MACROD2: variants seen among roughly 807,000 people sequenced by gnomAD.
MACROD2 encodes the protein ADP-ribose glycohydrolase MACROD2.
A neutral mutation model predicts 70.4 loss-of-function variants in MACROD2; 36 were observed. The observed-to-expected ratio is 0.51, with a 90% CI of 0.39 to 0.68. The LOEUF (loss-of-function observed/expected upper bound fraction) is 0.68, where lower values mean the gene tolerates loss of function less well. MACROD2 is among the 30% of genes least tolerant of loss of function. The pLI is 0.00. For missense variants in MACROD2, 496 were observed against 538.4 expected, an observed-to-expected ratio of 0.92 and a Z score of 0.78; for synonymous variants, 172 against 178.8, an observed-to-expected ratio of 0.96 and a Z score of 0.30.
intron 5 of MACROD2, among the ~76,000 whole-genome samples, chr20:14,691,825 T>C (rs955764690): frequency 1.3e-5 from 2 of 152,144 alleles, no homozygotes; most frequent in African/African-American, 2.4e-5. Context: ...AAATGACTTA[T>C]ATTACACAAA....
intron 5 of MACROD2, among the ~76,000 whole-genome samples, chr20:15,030,682 T>TAGAC (rs1442827009): frequency 2.0e-5 from 3 of 152,136 alleles, no homozygotes; most frequent in Admixed American, 1.3e-4. Flanking sequence ...GATAGATAGA[T>TAGAC]AGATAGTCTA....
chr20:14,177,046 T>C (rs1327109308), intron 3 of MACROD2, among the ~76,000 whole-genome samples: 1 of 152,154 alleles, frequency 6.6e-6, no homozygotes, highest in East Asian at 1.9e-4. Context: ...AAATAGAGAC[T>C]TCCCCTCTTT....
chr20:14,507,017 A>T (rs557426284), intron 4 of MACROD2, among the ~76,000 whole-genome samples: 14 of 152,306 alleles, frequency 9.2e-5, no homozygotes, highest in African/African-American at 3.4e-4. Context: ...AAACACTTTT[A>T]AAAAATGGGA....
At chr20:14,255,549 G>T (rs139299201) in intron 3 of MACROD2, among the ~76,000 whole-genome samples, 1,821 of 151,830 alleles carry the variant, frequency 0.012, 30 homozygotes, top group African/African-American at 0.042. Flanking sequence ...GTGGGGGCAG[G>T]GGGGAGGGAT....
intron 3 of MACROD2, among the ~76,000 whole-genome samples, chr20:14,283,976 A>T (rs1374886480): frequency 6.6e-6 from 1 of 152,186 alleles, no homozygotes; most frequent in Non-Finnish European, 1.5e-5. Flanking sequence ...GCATTTATGT[A>T]ATTTGGGAAT....
At chr20:15,490,423 A>G (rs893091356) in intron 7 of MACROD2, among the ~76,000 whole-genome samples, 1 of 151,688 alleles carries the variant, frequency 6.6e-6, no homozygotes, top group South Asian at 2.1e-4. Context: ...TGCCTGGGTG[A>G]TTTTTATTTT....
At chr20:14,398,890 A>AT (rs1910348410) in intron 3 of MACROD2, among the ~76,000 whole-genome samples, 1 of 151,524 alleles carries the variant, frequency 6.6e-6, no homozygotes, top group Admixed American at 6.6e-5. Context: ...TTCCTTTTAT[A>AT]TTCCTTTTTT....
intron 3 of MACROD2, among the ~76,000 whole-genome samples, chr20:14,141,362 C>T (rs1037654307): frequency 5.3e-5 from 8 of 152,264 alleles, no homozygotes; most frequent in African/African-American, 1.7e-4. Context: ...TGAATCTTAG[C>T]TCTGCCACTT....
intron 4 of MACROD2, among the ~76,000 whole-genome samples, chr20:14,604,941 A>G (rs1432787818): frequency 6.6e-6 from 1 of 152,218 alleles, no homozygotes; most frequent in Non-Finnish European, 1.5e-5. Context: ...ATAAATTCCC[A>G]TTGGGCATTC....
At chr20:14,319,488 C>G (rs1440775179) in intron 3 of MACROD2, among the ~76,000 whole-genome samples, 1 of 152,138 alleles carries the variant, frequency 6.6e-6, no homozygotes. Context: ...CTCCCCATGA[C>G]CCAACAAGAC....
chr20:14,402,339 G>C (rs901100986), intron 3 of MACROD2, among the ~76,000 whole-genome samples: 1 of 152,116 alleles, frequency 6.6e-6, no homozygotes, highest in African/African-American at 2.4e-5. Context: ...CAAGAGAATT[G>C]TATTTATCCC....
At chr20:15,423,218 TCTGAGA>T (rs1406474163) in intron 6 of MACROD2, among the ~76,000 whole-genome samples, 2 of 152,212 alleles carry the variant, frequency 1.3e-5, no homozygotes, top group Non-Finnish European at 2.9e-5. Flanking sequence ...GCACAGCTGA[TCTGAGA>T]CTGAGTTTAC....
intron 12 of MACROD2, among the ~76,000 whole-genome samples, chr20:15,962,579 A>G (rs894559934): frequency 6.6e-6 from 1 of 152,204 alleles, no homozygotes; most frequent in African/African-American, 2.4e-5. Context: ...ATTGTGCATT[A>G]TGGTAGTTTT....
intron 5 of MACROD2, among the ~76,000 whole-genome samples, chr20:15,053,518 G>A (rs2075459391): frequency 6.6e-6 from 1 of 152,054 alleles, no homozygotes; most frequent in Non-Finnish European, 1.5e-5. Flanking sequence ...TCTGTTTACA[G>A]CATGGTTAAC....
intron 5 of MACROD2, among the ~76,000 whole-genome samples, chr20:14,688,564 G>T (rs1247915908): frequency 6.7e-6 from 1 of 149,280 alleles, no homozygotes; most frequent in East Asian, 2.0e-4. Flanking sequence ...ATATTTCATT[G>T]AAGGCTATTG....
chr20:15,242,790 A>G (rs1461909236), intron 6 of MACROD2, among the ~76,000 whole-genome samples: 1 of 152,166 alleles, frequency 6.6e-6, no homozygotes, highest in Non-Finnish European at 1.5e-5. Flanking sequence ...TACAGGTTTT[A>G]TTATTTCACA....
At chr20:14,596,339 C>T in intron 4 of MACROD2, among the ~76,000 whole-genome samples, 1 of 151,014 alleles carries the variant, frequency 6.6e-6, no homozygotes, top group Non-Finnish European at 1.5e-5. Flanking sequence ...ATCCTCCCGC[C>T]TCGGCCTCCC....
At chr20:15,245,443 A>C (rs1452799541) in intron 6 of MACROD2, among the ~76,000 whole-genome samples, 1 of 152,214 alleles carries the variant, frequency 6.6e-6, no homozygotes, top group African/African-American at 2.4e-5. Context: ...GGCACTGGCA[A>C]TTCTATTGTT....
chr20:15,115,372 G>A (rs2075984635), intron 5 of MACROD2, among the ~76,000 whole-genome samples: 1 of 152,108 alleles, frequency 6.6e-6, no homozygotes, highest in Non-Finnish European at 1.5e-5. Flanking sequence ...TGGGACAACA[G>A]GTGTGCACCA....
Sources: allele counts gnomAD v4.1 joint callset (sites outside exome capture counted in the v4.1 genomes callset), GRCh38; gene constraint gnomAD v4.1.1; transcripts MANE v1.5; gene names NCBI Gene and HGNC (gene_info 2026-07-23, HGNC 2026-07-21).